The following ANKRD33 variants were observed in gnomAD, a reference collection of about 807,000 sequenced individuals.
ANKRD33 encodes ankyrin repeat domain 33.
Under a neutral mutation model 20.6 loss-of-function variants are expected in ANKRD33, and 20 were observed. The ratio of observed to expected loss-of-function variants is 0.97; its 90% CI spans 0.68 to 1.41. ANKRD33 has a LOEUF of 1.41. Among genes scored for constraint, ANKRD33 ranks in the 40% most tolerant of loss-of-function variants. ANKRD33 has a pLI of 0.00. For missense variants in ANKRD33, 545 were observed against 579.6 expected (o/e 0.94, Z 0.61); for synonymous variants, 246 against 245.0 (o/e 1.00, Z -0.04).
chr12:51,888,173 T>C lies in ANKRD33; in HGVS notation c.-14T>C. 1 of 1,613,402 alleles carries C rather than the reference T, an allele frequency of 6.2e-7. No individual in the cohort carries two copies. Among genetic ancestry groups the C allele is most frequent in the Non-Finnish European group, 8.5e-7 (1 of 1,179,714 alleles). On this transcript the variant is annotated 5_prime_UTR_variant, in exon 1 of 5. Transcript: ENST00000301190. The stretch of plus-strand genomic sequence containing the variant: ...TGATCCGGCTCAGCCCCGAGGTGTT[T>C]GCAGCAGCTCTTTATGAAAGTCCAG...
At position 51,889,202 on chromosome 12, in the gene ANKRD33, A is replaced by T; in HGVS notation, c.526+6A>T. The T allele has an allele frequency of 1.2e-6, 2 of 1,614,120 alleles. No homozygotes were observed. Among genetic ancestry groups the T allele is most frequent in the South Asian group, 2.2e-5 (2 of 91,074 alleles). ...CATGTTGGCTGCCCAAGCAGGTGTG[A>T]GGCTGCTGCACCCCACTTCCGACAG... On this transcript the variant is annotated splice_donor_region_variant and intron_variant, in intron 3 of 4. Coordinates refer to ENST00000301190, the MANE Select transcript of ANKRD33 (RefSeq NM_182608.4).
Position 51,888,195 on chromosome 12 carries a change from C to G in ANKRD33, c.9C>G (p.Val3=), listed in dbSNP as rs1212557317. The G allele has an allele frequency of 6.2e-7, 1 of 1,614,030 alleles. No individual in the cohort carries two copies. Among genetic ancestry groups the G allele is most frequent in the Admixed American group, 1.7e-5 (1 of 59,938 alleles). The change falls in exon 1 of 5, where the codon GTC becomes GTG. Residue 3 remains valine (V), a synonymous_variant. Coordinates refer to ENST00000301190, the MANE Select transcript of ANKRD33 (RefSeq NM_182608.4). ...GTTTGCAGCAGCTCTTTATGAAAGT[C>G]CAGCCATCTGTTACCTGCGTTGCTT... MK[V]QPSVTCVASW...
intron 2 of ANKRD33, 52 bp from the exon 3 acceptor site, chr12:51,889,015 C>T: frequency 1.2e-6 from 2 of 1,611,812 alleles, no homozygotes; most frequent in East Asian, 2.2e-5. Flanking sequence ...GTGCAAGGGG[C>T]CCTGGAGTGG....
intron 3 of ANKRD33, 32 bp downstream of exon 3, chr12:51,889,228 C>G: frequency 6.2e-7 from 1 of 1,613,874 alleles, no homozygotes; most frequent in African/African-American, 1.3e-5. Flanking sequence ...CTTCCGACAG[C>G]CCCCTTTTGA....
In ANKRD33 at chr12:51,891,257, G is replaced by A. The variant is rs1322043655; in HGVS notation, c.1311G>A (p.Arg437=). 1.2e-6 allele frequency: 2 copies of A among 1,614,242 alleles called. No individual in the cohort carries two copies. The highest frequency in any genetic ancestry group is 1.7e-6 in the Non-Finnish European group (2 of 1,180,044). Residue 437 remains arginine (R), a synonymous_variant, in exon 5 of 5, where the codon AGG becomes AGA. Coordinates refer to ENST00000301190, the MANE Select transcript of ANKRD33 (RefSeq NM_182608.4). ...CTCTCTGGCGATACCAGGAGCTCAG[G>A]ATAGAGAAGAGGAAACAGGAGGAGG... is the stretch of plus-strand genomic sequence containing the variant. The part of the protein sequence containing the change: ...ALPLWRYQEL[R]IEKRKQEEEA...
chr12:51,891,125 C>T lies in ANKRD33; in HGVS notation c.1179C>T (p.Thr393=). The change falls in exon 5 of 5, where the codon ACC becomes ACT. Residue 393 remains threonine, a synonymous_variant. Coordinates refer to ENST00000301190, the MANE Select transcript of ANKRD33 (RefSeq NM_182608.4). ...AGTGGCTACAACCCAGGGATAGCAC[C>T]AGCCCCAGGCCCCAAGTCCCCAAGA... ...CLQWLQPRDS[T]SPRPQVPKIL... is the part of the protein sequence containing the mutation. 1.2e-6 allele frequency: 2 copies of T among 1,614,194 alleles called. No individual in the cohort carries two copies. Among genetic ancestry groups the T allele is most frequent in the Non-Finnish European group, 1.7e-6 (2 of 1,180,032 alleles).
rs571551803 is a variant in ANKRD33 at position 51,889,252 on chromosome 12, T to C, written c.526+56T>C. On this transcript the variant is annotated intron_variant, in intron 3 of 4. Coordinates refer to ENST00000301190, the MANE Select transcript of ANKRD33 (RefSeq NM_182608.4). ...GCCCCCTTTTGATGCAGACAGGGCC[T>C]CAGCCCCACCCTTGTTGCACGGTGT... The C allele has an allele frequency of 2.5e-6, 4 of 1,612,978 alleles. No homozygotes were observed. The East Asian group carries it at 6.7e-5, about 27-fold the overall frequency.
At chr12:51,889,630 A>G in intron 4 of ANKRD33, 148 bp downstream of exon 4, 2 of 1,388,688 alleles carry the variant, frequency 1.4e-6, no homozygotes, top group Non-Finnish European at 1.9e-6. Flanking sequence ...TGGGGGATCA[A>G]TCTAGTTCAC....
At chr12:51,888,963 C>G in intron 2 of ANKRD33, 104 bp from the exon 3 acceptor site, 1 of 1,585,504 alleles carries the variant, frequency 6.3e-7, no homozygotes, top group African/African-American at 1.3e-5. Context: ...CGGGTCTTCA[C>G]GGGGTTTGGG....
rs755532035 is a variant in ANKRD33, at chr12:51,889,405, A to G, written c.560A>G (p.Tyr187Cys). ...HVPLVSLLLN[Y>C]YVGLDLERRD... ...CCTCTAGTGAGTCTCCTGCTCAACTACTATGTGGGCCTGGACCTGGAACGC... is the reference window on the plus strand; with the variant it reads ...CCTCTAGTGAGTCTCCTGCTCAACTGCTATGTGGGCCTGGACCTGGAACGC... The change falls in exon 4 of 5, where the codon TAC (tyrosine) becomes TGC (cysteine). Residue 187 changes from tyrosine (Y) to cysteine (C), a missense_variant. Transcript: ENST00000301190. 3.7e-6 allele frequency: 6 copies of G among 1,614,028 alleles called. No homozygotes were observed. The South Asian group carries it at 4.4e-5, about 12-fold the overall frequency.
intron 4 of ANKRD33, 170 bp downstream of exon 4, chr12:51,889,652 G>A (rs190338164): frequency 6.3e-6 from 8 of 1,272,694 alleles, no homozygotes; most frequent in Admixed American, 5.7e-5. Flanking sequence ...TTCCTGGAGG[G>A]GGGGGCACAT....
chr12:51,890,486 G>T (rs111335826), intron 4 of ANKRD33, 98 bp from the exon 5 acceptor site: 11 of 1,536,848 alleles, frequency 7.2e-6, no homozygotes, highest in African/African-American at 1.4e-5. Flanking sequence ...CTATGGCTTC[G>T]AATGTAACCC....
chr12:51,888,183 C>G lies in ANKRD33; in HGVS notation c.-4C>G, dbSNP rs755638775. 1 of 1,613,882 alleles carries G rather than the reference C, an allele frequency of 6.2e-7. No individual in the cohort carries two copies. The highest frequency in any genetic ancestry group is 1.1e-5 in the South Asian group (1 of 91,078). On this transcript the variant is annotated 5_prime_UTR_variant, in exon 1 of 5. Coordinates refer to ENST00000301190, the MANE Select transcript of ANKRD33 (RefSeq NM_182608.4). ...CAGCCCCGAGGTGTTTGCAGCAGCT[C>G]TTTATGAAAGTCCAGCCATCTGTTA...
chr12:51,889,763 G>A lies in ANKRD33; in HGVS notation c.637+281G>A, dbSNP rs540563483. 5.7e-5 allele frequency: 31 copies of A among 545,050 alleles called. 1 individual carries two copies. Among genetic ancestry groups the A allele is most frequent in the East Asian group, 2.1e-4 (6 of 28,136 alleles). The allele number at this position is 545,050 out of a possible 1,614,324, so 33.8% of individuals were successfully genotyped here. A position where few individuals can be genotyped will look rare whatever the true frequency, so the allele number is the denominator to read the frequency against. On this transcript the variant is annotated intron_variant, in intron 4 of 4. Transcript: ENST00000301190. ...AAGTGTGGGAGGGGAACCTAGCCCAGCTGGAAAATCTAACACGAAAAAAGG... is the reference window on the plus strand; with the variant it reads ...AAGTGTGGGAGGGGAACCTAGCCCAACTGGAAAATCTAACACGAAAAAAGG...
rs779331719 is a variant in ANKRD33, at chr12:51,888,268, G to A, written c.82G>A (p.Val28Met). Residue 28 changes from valine to methionine, a missense_variant, in exon 1 of 5, where the codon GTG becomes ATG. Coordinates refer to ENST00000301190, the MANE Select transcript of ANKRD33 (RefSeq NM_182608.4). Reference protein sequence around the residue: ...HLEAFGDPVIVLRGAWAVPRV... With the variant: ...HLEAFGDPVIMLRGAWAVPRV... ...GGAGGCATTCGGAGACCCAGTGATT[G>A]TGCTCCGCGGAGCCTGGGCTGTGCC... 2 of 1,614,190 alleles carry A rather than the reference G, an allele frequency of 1.2e-6. No homozygotes were observed. The highest frequency in any genetic ancestry group is 1.7e-6 in the Non-Finnish European group (2 of 1,180,008).
chr12:51,890,652 A>G lies in ANKRD33; in HGVS notation c.706A>G (p.Ser236Gly). ...TALEWAVLTD[S>G]FDTVWRIRQL... ...CCTGGAATGGGCAGTGCTGACCGAC[A>G]GCTTCGACACCGTGTGGAGGATTCG... Residue 236 changes from serine to glycine, a missense_variant, in exon 5 of 5, where the codon AGC becomes GGC. Ser to Gly is a moderately conservative substitution (Grantham distance 56). Coordinates refer to ENST00000301190, the MANE Select transcript of ANKRD33 (RefSeq NM_182608.4). The G allele has an allele frequency of 1.2e-6, 2 of 1,608,442 alleles. No individual in the cohort carries two copies. Among genetic ancestry groups the G allele is most frequent in the Non-Finnish European group, 1.7e-6 (2 of 1,179,988 alleles).
Position 51,889,464 on chromosome 12 carries a change from G to C in ANKRD33, c.619G>C (p.Ala207Pro), listed in dbSNP as rs1446375599. The part of the protein sequence containing the change: ...DQRGLTALMK[A>P]AMRNRCADLT... ...GCGGGGGCTCACGGCGTTAATGAAG[G>C]CTGCCATGCGGAACCGCTGTGAGTG... Residue 207 changes from alanine (A) to proline (P), a missense_variant, in exon 4 of 5, where the codon GCT becomes CCT. Ala to Pro is a conservative substitution (Grantham distance 27). Transcript: ENST00000301190. 1 of 1,613,900 alleles carries C rather than the reference G, an allele frequency of 6.2e-7. No homozygotes were observed. Among genetic ancestry groups the C allele is most frequent in the Non-Finnish European group, 8.5e-7 (1 of 1,180,020 alleles).
intron 2 of ANKRD33, 64 bp from the exon 3 acceptor site, chr12:51,889,002 AG>A (rs769182173): frequency 5.0e-6 from 8 of 1,608,442 alleles, no homozygotes; most frequent in Non-Finnish European, 6.8e-6. Context: ...ATGGGTTTAG[AG>A]GGTGCAAGGG....
At position 51,888,584 on chromosome 12, in the gene ANKRD33, A is replaced by G; in HGVS notation, c.162A>G (p.Arg54=). Residue 54 remains arginine, a synonymous_variant, in exon 2 of 5, where the codon AGA becomes AGG. Coordinates refer to ENST00000301190, the MANE Select transcript of ANKRD33 (RefSeq NM_182608.4). ...GTGTTTTAGATGCCAGCTGCATGAG[A>G]AAAGGGACTCACCTTCTGGTTCCCT... is the stretch of plus-strand genomic sequence containing the variant. ...TLRTPNASCM[R]KGTHLLVPCL... The G allele has an allele frequency of 6.4e-7, 1 of 1,554,758 alleles. No individual in the cohort carries two copies. Among genetic ancestry groups the G allele is most frequent in the Non-Finnish European group, 8.7e-7 (1 of 1,153,066 alleles).
Sources: allele counts gnomAD v4.1 joint callset, GRCh38; gene constraint gnomAD v4.1.1; transcripts MANE v1.5; gene names NCBI Gene and HGNC (gene_info 2026-07-23, HGNC 2026-07-21).